AMMECR1: variants seen among roughly 807,000 people sequenced by gnomAD.
The protein encoded by AMMECR1 is AMMECR nuclear protein 1.
A neutral mutation model predicts 22.5 loss-of-function variants in AMMECR1; 3 were observed. That is an observed-to-expected ratio of 0.13 (90% confidence interval 0.06 to 0.35). The LOEUF is 0.35. AMMECR1 is among the 10% of genes least tolerant of loss of function. AMMECR1 has a pLI of 1.00. For synonymous variants in AMMECR1, 130 were observed against 116.7 expected, an observed-to-expected ratio of 1.11 and a Z score of -0.74; for missense variants, 235 against 278.7, an observed-to-expected ratio of 0.84 and a Z score of 1.12.
chrX:110,323,576 A>T (rs753263595), intron 2 of AMMECR1, among the ~76,000 whole-genome samples: 1 of 112,641 alleles, frequency 8.9e-6, no homozygotes, highest in Non-Finnish European at 1.9e-5. Context: ...TGTAGCATCT[A>T]CCAGTACTTC....
At chrX:110,345,173 T>G (rs1296955853) in intron 2 of AMMECR1, among the ~76,000 whole-genome samples, 19 of 111,683 alleles carry the variant, frequency 1.7e-4, no homozygotes, top group Non-Finnish European at 1.3e-4. Flanking sequence ...CCATAAAAAA[T>G]GATGAGTTTA....
chrX:110,230,571 G>C (rs2067559379), intron 2 of AMMECR1, among the ~76,000 whole-genome samples: 2 of 112,187 alleles, frequency 1.8e-5, no homozygotes, highest in Admixed American at 1.9e-4. Context: ...CAAAGATGGG[G>C]AGAAACCAGA....
rs1218248929 is a variant in AMMECR1 at position 110,336,698 on chromosome X, C to CA, written c.-147-18850dup. Among the ~76,000 whole-genome samples the CA allele has an allele frequency of 4.0e-3, 385 of 97,226 alleles. 3 individuals are homozygous for CA. Among genetic ancestry groups the CA allele is most frequent in the African/African-American group, 0.013 (339 of 26,776 alleles). The allele number at this position is 97,226 out of a possible 115,157, so 84.4% of individuals were successfully genotyped here. On this transcript the variant is annotated intron_variant, in intron 2 of 7. Coordinates refer to the AMMECR1 transcript ENST00000372057. ...TGGGCAACAGAGCAAGACTCCGTCT[C>CA]AAAAAAAAAAAATCTAATATGGAGC...
intron 2 of AMMECR1, among the ~76,000 whole-genome samples, chrX:110,392,608 A>C (rs1002482998): frequency 4.5e-5 from 5 of 111,625 alleles, no homozygotes; most frequent in African/African-American, 1.6e-4. Context: ...TAAAGAAGCC[A>C]ATACCATACA....
In AMMECR1 at chrX:110,239,539, T is replaced by C. The variant is rs781458191; in HGVS notation, c.585-22907A>G. Among the ~76,000 whole-genome samples, 407 of 111,619 alleles carry C rather than the reference T, an allele frequency of 3.6e-3. 1 individual carries two copies. Among genetic ancestry groups the C allele is most frequent in the African/African-American group, 0.012 (366 of 30,723 alleles). On this transcript the variant is annotated intron_variant, in intron 2 of 5. Transcript: ENST00000262844. ...GAATGAGCAAAGCCTCCAAGAAATA[T>C]GGGACTATATGAAAAGACCAAATAT...
chrX:110,212,118 C>T (rs913471344), intron 3 of AMMECR1, among the ~76,000 whole-genome samples: 1 of 111,858 alleles, frequency 8.9e-6, no homozygotes, highest in Non-Finnish European at 1.9e-5. Context: ...TCCTACTTTC[C>T]TACTAACTTC....
chrX:110,398,978 C>T (rs1026104193), intron 2 of AMMECR1, among the ~76,000 whole-genome samples: 17 of 111,862 alleles, frequency 1.5e-4, no homozygotes, highest in African/African-American at 5.2e-4. Context: ...TGATACCTGC[C>T]ATATATGTTG....
rs369740677 is a variant in AMMECR1 at position 110,229,313 on chromosome X, T to C, written c.585-12681A>G. Among the ~76,000 whole-genome samples, 36 of 112,379 alleles carry C rather than the reference T, an allele frequency of 3.2e-4. No individual in the cohort carries two copies. In the South Asian group the frequency reaches 0.012, roughly 39 times the overall value. Reference sequence around the variant, plus strand: ...TTTACTTGTATAGGTTTCCATTCTATTACCCTTAAAAGTTATTTAATTCTC... The same window carrying C: ...TTTACTTGTATAGGTTTCCATTCTACTACCCTTAAAAGTTATTTAATTCTC... On this transcript the variant is annotated intron_variant, in intron 2 of 5. Transcript: ENST00000262844.
intron 1 of AMMECR1, among the ~76,000 whole-genome samples, chrX:110,265,152 G>T: frequency 9.0e-6 from 1 of 111,699 alleles, no homozygotes; most frequent in Middle Eastern, 4.6e-3. Context: ...TTGCTCTCTA[G>T]GAGCCAGTAT....
At chrX:110,253,065 C>A (rs187766860) in intron 2 of AMMECR1, among the ~76,000 whole-genome samples, 5 of 111,663 alleles carry the variant, frequency 4.5e-5, no homozygotes, top group African/African-American at 1.6e-4. Context: ...AAGCCCCTGG[C>A]GGGGACCATG....
chrX:110,229,722 G>C (rs188642743), intron 2 of AMMECR1, among the ~76,000 whole-genome samples: 71 of 112,329 alleles, frequency 6.3e-4, no homozygotes, highest in African/African-American at 1.9e-3. Context: ...CCCGGGAAGC[G>C]CAAGGTGTTG....
At chrX:110,331,735 C>G (rs909690220) in intron 2 of AMMECR1, among the ~76,000 whole-genome samples, 8 of 111,579 alleles carry the variant, frequency 7.2e-5, no homozygotes, top group Admixed American at 3.8e-4. Flanking sequence ...ACCCCAAACT[C>G]TCTAGCATTG....
intron 1 of AMMECR1, among the ~76,000 whole-genome samples, chrX:110,307,864 CTTTTTTTTTT>C (rs1162615101): frequency 1.6e-5 from 1 of 63,620 alleles, no homozygotes; most frequent in Non-Finnish European, 2.9e-5. Context: ...TTTTTTTTTT[CTTTTTTTTTT>C]TTTTTTTTTT....
At chrX:110,210,995 C>T (rs943323151) in intron 3 of AMMECR1, among the ~76,000 whole-genome samples, 1 of 111,936 alleles carries the variant, frequency 8.9e-6, no homozygotes, top group Admixed American at 9.4e-5. Flanking sequence ...AACAGTCTGT[C>T]TTGGGACCAC....
chrX:110,232,422 T>A (rs1242676174), intron 2 of AMMECR1, among the ~76,000 whole-genome samples: 1 of 111,482 alleles, frequency 9.0e-6, no homozygotes, highest in Admixed American at 9.5e-5. Flanking sequence ...GACTACTGGG[T>A]AAATAACTAA....
chrX:110,376,084 G>GT (rs1294641620), intron 2 of AMMECR1, among the ~76,000 whole-genome samples: 4 of 111,439 alleles, frequency 3.6e-5, no homozygotes, highest in Non-Finnish European at 7.5e-5. Context: ...TAAAACCATG[G>GT]TAAGGTGGTT....
chrX:110,420,861 G>C (rs892019713), intron 2 of AMMECR1, among the ~76,000 whole-genome samples: 5 of 111,192 alleles, frequency 4.5e-5, no homozygotes, highest in Non-Finnish European at 9.4e-5. Flanking sequence ...GCAGGTTTCC[G>C]ATCCTCAGCA....
chrX:110,401,187 C>T (rs2068562230), intron 2 of AMMECR1, among the ~76,000 whole-genome samples: 1 of 112,191 alleles, frequency 8.9e-6, no homozygotes, highest in African/African-American at 3.2e-5. Flanking sequence ...TGAACGTAGG[C>T]TCCAATACCT....
intron 2 of AMMECR1, among the ~76,000 whole-genome samples, chrX:110,244,436 C>T (rs2067648439): frequency 9.0e-6 from 1 of 111,704 alleles, no homozygotes; most frequent in Non-Finnish European, 1.9e-5. Flanking sequence ...TAATGAATAT[C>T]TTCTCCATAT....
Sources: gnomAD v4.1 joint callset for allele counts (sites outside exome capture counted in the v4.1 genomes callset) on GRCh38, gnomAD v4.1.1 for gene constraint, MANE v1.5 for transcripts, NCBI Gene and HGNC (gene_info 2026-07-23, HGNC 2026-07-21) for gene names.